ARHGAP29: variants seen among roughly 807,000 people sequenced by gnomAD.
ARHGAP29 encodes Rho GTPase activating protein 29.
A neutral mutation model predicts 122.6 loss-of-function variants in ARHGAP29; 43 were observed. The ratio of observed to expected loss-of-function variants is 0.35; its 90% CI spans 0.27 to 0.45. The LOEUF (loss-of-function observed/expected upper bound fraction) is 0.45. Among genes scored for constraint, ARHGAP29 ranks in the 20% least tolerant of loss-of-function variants. The pLI is 1.00. For synonymous variants in ARHGAP29, 506 were observed against 497.1 expected (o/e 1.02, Z -0.24); for missense variants, 1,303 against 1,477.2 (o/e 0.88, Z 1.93).
chr1:94,254,979 G>T (rs112514317), intron 1 of ARHGAP29, among the ~76,000 whole-genome samples: 92 of 152,298 alleles, frequency 6.0e-4, no homozygotes, highest in African/African-American at 2.1e-3. Context: ...AGGACATAAA[G>T]ATCACAGCTT....
chr1:94,312,103 C>T, the ARHGAP29 span, among the ~76,000 whole-genome samples: 58 of 152,314 alleles, frequency 3.8e-4, no homozygotes, highest in South Asian at 0.011. Context: ...TTCTGATTCT[C>T]ATTGTGGCAA....
At chr1:94,276,426 G>A (rs771695838), upstream of ARHGAP29, among the ~76,000 whole-genome samples, 4 of 148,070 alleles carry the variant, frequency 2.7e-5, no homozygotes, top group Non-Finnish European at 6.0e-5. Context: ...CATATATAGA[G>A]CTGGTTTTTA....
rs1237242036 is a variant in ARHGAP29, at chr1:94,178,079, T to C, written c.2569A>G (p.Thr857Ala). 1 of 1,614,050 alleles carries C rather than the reference T, an allele frequency of 6.2e-7. No individual in the cohort carries two copies. The highest frequency in any genetic ancestry group is 1.3e-5 in the African/African-American group (1 of 74,910). The change falls in exon 21 of 23, where the codon ACT becomes GCT. Residue 857 changes from threonine (T) to alanine (A), a missense_variant. This residue lies in a region of ARHGAP29 where 620 missense variants were observed against 651.2 expected (regional missense o/e 0.95). Coordinates refer to ENST00000260526, the MANE Select transcript of ARHGAP29 (RefSeq NM_004815.4). ...AGGGAGGAGATGGTGATAGGAGCAG[T>C]TGTGGGCCTTGGCCTAATGAGACTT... ...GPSLIRPRPT[T>A]APITISSLAE...
At chr1:94,201,190 C>T (rs371051861) in intron 12 of ARHGAP29, among the ~76,000 whole-genome samples, 113 of 152,196 alleles carry the variant, frequency 7.4e-4, no homozygotes, top group African/African-American at 2.6e-3. Flanking sequence ...TCAATGATGT[C>T]GGCAAAGCCA....
intron 3 of ARHGAP29, among the ~76,000 whole-genome samples, chr1:94,216,848 T>A (rs989672564): frequency 6.6e-6 from 1 of 152,180 alleles, no homozygotes; most frequent in Non-Finnish European, 1.5e-5. Context: ...ATAGGCTATA[T>A]CTCTCTTACC....
intron 12 of ARHGAP29, chr1:94,191,598 A>G (rs906640272): frequency 1.3e-5 from 2 of 152,326 alleles, no homozygotes; most frequent in Admixed American, 6.5e-5. Flanking sequence ...AGCTAAAGGT[A>G]AACTGCTTAC....
chr1:94,192,045 T>A (rs2101446413), intron 12 of ARHGAP29: 1 of 152,294 alleles, frequency 6.6e-6, no homozygotes, highest in Non-Finnish European at 1.5e-5. Context: ...TAATTTCAAA[T>A]CCTGGATTTT....
Position 94,179,941 on chromosome 1 carries a change from A to G in ARHGAP29, c.2264T>C (p.Ile755Thr). ...LYLRQLPEPF[I>T]LFRLYKEFID... ...AAATTCCTTGTACAATCGAAATAAA[A>G]TAAATGGTTCTGGGAGCTAAAGAAA... The change falls in exon 20 of 23, where the codon ATT becomes ACT. Residue 755 changes from isoleucine (I) to threonine (T), a missense_variant. Ile to Thr is a moderately conservative substitution (Grantham distance 89, BLOSUM62 -1). Around this residue, in one of 3 missense-constraint regions of ARHGAP29, gnomAD observed 620 missense variants for 651.2 expected, o/e 0.95. Transcript: ENST00000260526. 1.2e-6 allele frequency: 2 copies of G among 1,603,974 alleles called. No individual in the cohort carries two copies. The highest frequency in any genetic ancestry group is 1.7e-6 in the Non-Finnish European group (2 of 1,177,076).
upstream of ARHGAP29, among the ~76,000 whole-genome samples, chr1:94,278,926 A>G (rs957377606): frequency 2.6e-5 from 4 of 152,212 alleles, no homozygotes; most frequent in African/African-American, 9.7e-5. Flanking sequence ...TGGTTTAGAG[A>G]AATGCACAAA....
At chr1:94,186,397 C>T (rs1038741057) in intron 16 of ARHGAP29, 102 bp downstream of exon 16, 6 of 811,696 alleles carry the variant, frequency 7.4e-6, no homozygotes, top group African/African-American at 1.8e-5. Flanking sequence ...GTTTAATACA[C>T]AAAAAAGTAT....
Position 94,201,736 on chromosome 1 carries a change from T to C in ARHGAP29, c.1265A>G (p.Asp422Gly). The C allele has an allele frequency of 6.2e-7, 1 of 1,613,758 alleles. No individual in the cohort carries two copies. The highest frequency in any genetic ancestry group is 8.5e-7 in the Non-Finnish European group (1 of 1,179,912). The stretch of plus-strand genomic sequence containing the variant: ...ATTACTTACAGCTTTAAGGGTAAGA[T>C]CACACTGGAAAACAAGTGTCCGGAG... ...AQLRTLVFQC[D>G]LTLKAVTVNL... Residue 422 changes from aspartate to glycine, a missense_variant, in exon 12 of 23, where the codon GAT becomes GGT. Coordinates refer to ENST00000260526, the MANE Select transcript of ARHGAP29 (RefSeq NM_004815.4).
chr1:94,193,123 G>C (rs183034975), intron 12 of ARHGAP29: 27 of 152,080 alleles, frequency 1.8e-4, no homozygotes, highest in Non-Finnish European at 3.5e-4. Flanking sequence ...GAAACAAAAG[G>C]AAAATTTATT....
intron 12 of ARHGAP29, among the ~76,000 whole-genome samples, chr1:94,198,945 C>A (rs573753795): frequency 6.6e-6 from 1 of 152,290 alleles, no homozygotes; most frequent in East Asian, 1.9e-4. Context: ...TTAAGACTTG[C>A]TGCAAAGCAA....
At chr1:94,268,126 GT>G (rs1191485419) in intron 1 of ARHGAP29, among the ~76,000 whole-genome samples, 1 of 152,026 alleles carries the variant, frequency 6.6e-6, no homozygotes, top group Admixed American at 6.6e-5. Flanking sequence ...TAGTGTGTCT[GT>G]TTTAATTTAG....
At chr1:94,214,955 T>A (rs1244945503) in intron 3 of ARHGAP29, among the ~76,000 whole-genome samples, 2 of 152,124 alleles carry the variant, frequency 1.3e-5, no homozygotes, top group Admixed American at 6.5e-5. Flanking sequence ...AAGTTTTATG[T>A]AATGAGTGTT....
At chr1:94,211,287 CAAAAAAAAAAAAAAA>C (rs71094285) in intron 3 of ARHGAP29, among the ~76,000 whole-genome samples, 2 of 36,004 alleles carry the variant, frequency 5.6e-5, no homozygotes, top group African/African-American at 1.1e-4. Flanking sequence ...GCTCTGGCTC[CAAAAAAAAAAAAAAA>C]AAAAAAAAAA....
At chr1:94,241,225 G>C (rs1653559171), upstream of ARHGAP29, among the ~76,000 whole-genome samples, 1 of 152,146 alleles carries the variant, frequency 6.6e-6, no homozygotes, top group Non-Finnish European at 1.5e-5. Context: ...GAAAAATCTG[G>C]ACTGTGGGCC....
Position 94,173,132 on chromosome 1 carries a change from A to G in ARHGAP29, c.*737T>C, listed in dbSNP as rs1648850573. ...TTATATAAAATAAAGCCAAGGGGTG[A>G]AAAACTATCAAATGTATTAAAACCA... is the stretch of plus-strand genomic sequence containing the variant. On this transcript the variant is annotated 3_prime_UTR_variant, in exon 23 of 23. Coordinates refer to ENST00000260526, the MANE Select transcript of ARHGAP29 (RefSeq NM_004815.4). 6.6e-6 allele frequency: 1 copy of G among 152,638 alleles called. No individual in the cohort carries two copies. The highest frequency in any genetic ancestry group is 2.4e-5 in the African/African-American group (1 of 41,462). 9.5% of individuals were successfully genotyped at this position (152,638 alleles called of 1,614,324 possible).
At position 94,183,357 on chromosome 1, in the gene ARHGAP29, G is replaced by A. The variant is rs78019162; in HGVS notation, c.2247+794C>T. ...GCTTGGCTCAGGTCTTTTTTTGTACGTGTCTCATGACAATGTGCTGATTAA... is the reference window on the plus strand; with the variant it reads ...GCTTGGCTCAGGTCTTTTTTTGTACATGTCTCATGACAATGTGCTGATTAA... On this transcript the variant is annotated intron_variant, in intron 19 of 22. Coordinates refer to ENST00000260526, the MANE Select transcript of ARHGAP29 (RefSeq NM_004815.4). Among the ~76,000 whole-genome samples, 1,033 of 152,012 alleles carry A rather than the reference G, an allele frequency of 6.8e-3. 8 individuals are homozygous for A. The highest frequency in any genetic ancestry group is 0.024 in the African/African-American group (995 of 41,436).
Sources: gnomAD v4.1 joint callset for allele counts (sites outside exome capture counted in the v4.1 genomes callset) on GRCh38, gnomAD v4.1.1 for gene constraint, gnomAD v4.1.1 regional missense constraint, MANE v1.5 for transcripts, NCBI Gene and HGNC (gene_info 2026-07-23, HGNC 2026-07-21) for gene names.